Variants in ARNT2 observed in about 807,000 individuals in gnomAD.
The protein encoded by ARNT2 is ARNT protein 2.
In ARNT2, 36 loss-of-function variants were observed where a neutral mutation model predicts 91.7. That is an observed-to-expected ratio of 0.39 (90% CI 0.30 to 0.52). The LOEUF (loss-of-function observed/expected upper bound fraction) is 0.52. Among genes scored for constraint, ARNT2 ranks in the 20% least tolerant of loss-of-function variants. The pLI is 0.72. For missense variants in ARNT2, 775 were observed against 939.3 expected (o/e 0.83, Z 2.29); for synonymous variants, 365 against 347.1 (o/e 1.05, Z -0.57).
In ARNT2 at chr15:80,574,645, G is replaced by C. The variant is rs531978672; in HGVS notation, c.1390-342G>C. The stretch of plus-strand genomic sequence containing the variant: ...ATGCTCTGAGCCTCCCTCTTCACCG[G>C]CTCTGTCTCCTTTCCTTCTCCTATC... On this transcript the variant is annotated intron_variant, in intron 13 of 18. Coordinates refer to ENST00000303329, the MANE Select transcript of ARNT2 (RefSeq NM_014862.4). 1.8e-4 allele frequency among the ~76,000 whole-genome samples: 27 copies of C among 152,218 alleles called. No individual in the cohort carries two copies. In the East Asian group the frequency reaches 5.0e-3, roughly 28 times the overall value.
chr15:80,475,386 C>T (rs1896787086), intron 5 of ARNT2, 163 bp downstream of exon 5: 2 of 719,434 alleles, frequency 2.8e-6, no homozygotes, highest in Admixed American at 3.1e-5. Flanking sequence ...AACCCCGTCT[C>T]TACAAAAAAT....
intron 1 of ARNT2, among the ~76,000 whole-genome samples, chr15:80,423,498 A>G (rs983986069): frequency 2.6e-5 from 4 of 152,174 alleles, no homozygotes; most frequent in African/African-American, 9.7e-5. Context: ...GTGTATATAT[A>G]TATACTTATT....
intron 1 of ARNT2, among the ~76,000 whole-genome samples, chr15:80,412,795 T>G (rs1473886702): frequency 6.6e-6 from 1 of 152,200 alleles, no homozygotes; most frequent in Middle Eastern, 3.2e-3. Context: ...TTCTTTGAAG[T>G]AGAATTGAAC....
chr15:80,418,397 C>T (rs765550597), intron 1 of ARNT2, among the ~76,000 whole-genome samples: 18 of 152,222 alleles, frequency 1.2e-4, no homozygotes, highest in Admixed American at 8.5e-4. Context: ...CTCCTGGATC[C>T]GGCTGCTTCC....
chr15:80,562,704 A>G (rs1277273567), intron 11 of ARNT2, among the ~76,000 whole-genome samples: 1 of 152,190 alleles, frequency 6.6e-6, no homozygotes, highest in Non-Finnish European at 1.5e-5. Context: ...TGAGTGAGAT[A>G]ACTTGGGGGT....
intron 4 of ARNT2, among the ~76,000 whole-genome samples, chr15:80,472,881 C>T (rs954348681): frequency 5.9e-5 from 9 of 152,130 alleles, no homozygotes; most frequent in Non-Finnish European, 5.9e-5. Context: ...TTTTAATCCT[C>T]ACCAAAAGAC....
At chr15:80,493,824 G>A (rs1897088181) in intron 5 of ARNT2, among the ~76,000 whole-genome samples, 1 of 152,126 alleles carries the variant, frequency 6.6e-6, no homozygotes, top group South Asian at 2.1e-4. Flanking sequence ...GGAGATATTC[G>A]GATCATGAGG....
intron 3 of ARNT2, among the ~76,000 whole-genome samples, chr15:80,463,640 G>A (rs551264233): frequency 1.3e-5 from 2 of 149,502 alleles, no homozygotes; most frequent in Non-Finnish European, 3.0e-5. Flanking sequence ...GTGCAATGGC[G>A]CGGTCTCGGT....
intron 6 of ARNT2, among the ~76,000 whole-genome samples, chr15:80,509,080 C>A (rs114702557): frequency 7.0e-4 from 106 of 152,188 alleles, no homozygotes; most frequent in African/African-American, 2.5e-3. Context: ...TTTAGTTATT[C>A]AACACATTTA....
chr15:80,508,131 G>C, intron 5 of ARNT2, 25 bp from the exon 6 acceptor site: 3 of 1,611,902 alleles, frequency 1.9e-6, no homozygotes, highest in Non-Finnish European at 2.5e-6. Flanking sequence ...AGAGGCTTAC[G>C]TAACTGTCCT....
intron 5 of ARNT2, among the ~76,000 whole-genome samples, chr15:80,486,519 T>C (rs1249617703): frequency 6.6e-6 from 1 of 152,182 alleles, no homozygotes; most frequent in Non-Finnish European, 1.5e-5. Flanking sequence ...CCTCTTCTCA[T>C]TGTCAGATCT....
chr15:80,451,111 T>G (rs910989259), intron 2 of ARNT2, 117 bp downstream of exon 2: 6 of 1,046,974 alleles, frequency 5.7e-6, no homozygotes, highest in Non-Finnish European at 8.3e-6. Context: ...GCAGTTTGCA[T>G]CCTGTTTAAC....
chr15:80,512,059 C>G (rs1000222166), intron 6 of ARNT2, among the ~76,000 whole-genome samples: 1 of 152,164 alleles, frequency 6.6e-6, no homozygotes, highest in Non-Finnish European at 1.5e-5. Context: ...TGCACTGGGG[C>G]GTCCGTTGCG....
At chr15:80,515,813 A>G (rs1337892142) in intron 8 of ARNT2, among the ~76,000 whole-genome samples, 1 of 150,804 alleles carries the variant, frequency 6.6e-6, no homozygotes, top group Non-Finnish European at 1.5e-5. Context: ...TATCTCAGTA[A>G]CTATTTCATG....
chr15:80,501,376 A>G lies in ARNT2; in HGVS notation c.623-6780A>G, dbSNP rs141570677. Among the ~76,000 whole-genome samples the G allele has an allele frequency of 2.3e-4, 35 of 152,382 alleles. No homozygotes were observed. The East Asian group carries it at 6.5e-3, about 29-fold the overall frequency. ...AGGCCTCAGCTAATTAAAATAAAGA[A>G]CAGGCATGCATAGAAAAAGACTGAC... On this transcript the variant is annotated intron_variant, in intron 5 of 18. Coordinates refer to ENST00000303329, the MANE Select transcript of ARNT2 (RefSeq NM_014862.4).
chr15:80,552,557 A>G (rs1240739630), intron 9 of ARNT2, 83 bp from the exon 10 acceptor site: 4 of 1,505,202 alleles, frequency 2.7e-6, no homozygotes, highest in African/African-American at 2.7e-5. Flanking sequence ...TGAAATGCAC[A>G]TGGATTATTC....
In ARNT2 at chr15:80,470,082, C is replaced by A. The variant is rs147513889; in HGVS notation, c.195-136C>A. The A allele has an allele frequency of 1.3e-4, 118 of 888,422 alleles. No homozygotes were observed. In the African/African-American group the frequency reaches 1.7e-3, roughly 13 times the overall value. 55.0% of individuals were successfully genotyped at this position (888,422 alleles called of 1,614,324 possible). On this transcript the variant is annotated intron_variant, in intron 3 of 18. Coordinates refer to ENST00000303329, the MANE Select transcript of ARNT2 (RefSeq NM_014862.4). ...AGGGCCATTTTGCCCAATAGTCATT[C>A]AAAGCACTCAGCTGTTAGGTGTTAG...
At chr15:80,492,509 C>T (rs1166433719) in intron 5 of ARNT2, among the ~76,000 whole-genome samples, 1 of 152,198 alleles carries the variant, frequency 6.6e-6, no homozygotes. Flanking sequence ...GAAGGTCAGT[C>T]TGGCTCCTGT....
chr15:80,581,861 G>A (rs1272863438), intron 17 of ARNT2, among the ~76,000 whole-genome samples: 1 of 152,220 alleles, frequency 6.6e-6, no homozygotes, highest in Non-Finnish European at 1.5e-5. Flanking sequence ...GGCCATAGAG[G>A]GTTAAGGAAC....
Sources: gnomAD v4.1 joint callset for allele counts (sites outside exome capture counted in the v4.1 genomes callset) on GRCh38, gnomAD v4.1.1 for gene constraint, MANE v1.5 for transcripts, NCBI Gene and HGNC (gene_info 2026-07-23, HGNC 2026-07-21) for gene names.